The following TBC1D22A variants were observed in gnomAD, a reference collection of about 807,000 sequenced individuals.
TBC1D22A encodes TBC1 domain family member 22A, also known as putative GTPase activator.
Under a neutral mutation model 60.2 loss-of-function variants are expected in TBC1D22A, and 38 were observed. The observed-to-expected ratio is 0.63, with a 90% CI of 0.49 to 0.83. The LOEUF is 0.83. Ranked by LOEUF, TBC1D22A falls within the 40% of genes least tolerant of loss-of-function variation. The pLI, the probability that TBC1D22A is intolerant of heterozygous loss-of-function variation, is 0.00. For missense variants in TBC1D22A, 628 were observed against 701.0 expected, an observed-to-expected ratio of 0.90 and a Z score of 1.18; for synonymous variants, 302 against 281.7, an observed-to-expected ratio of 1.07 and a Z score of -0.72.
At chr22:47,030,495 A>G (rs1426175951) in intron 10 of TBC1D22A, among the ~76,000 whole-genome samples, 1 of 152,230 alleles carries the variant, frequency 6.6e-6, no homozygotes, top group East Asian at 1.9e-4. Context: ...AAGTGCTGGG[A>G]AAAGTGTTCA....
chr22:46,938,736 C>T (rs1194575077), intron 8 of TBC1D22A, among the ~76,000 whole-genome samples: 1 of 152,132 alleles, frequency 6.6e-6, no homozygotes, highest in African/African-American at 2.4e-5. Flanking sequence ...CAGGCACCTG[C>T]CACCATGCCT....
chr22:46,766,317 G>C (rs2083286183), intron 1 of TBC1D22A, among the ~76,000 whole-genome samples: 1 of 151,704 alleles, frequency 6.6e-6, no homozygotes. Context: ...TTTTAGTAGA[G>C]ATGGGGTTTC....
At chr22:47,006,397 A>G (rs1349167356) in intron 10 of TBC1D22A, among the ~76,000 whole-genome samples, 1 of 152,218 alleles carries the variant, frequency 6.6e-6, no homozygotes, top group East Asian at 1.9e-4. Context: ...ATTCTCTGAA[A>G]GGCTGGCTTA....
intron 4 of TBC1D22A, among the ~76,000 whole-genome samples, chr22:46,816,617 A>G (rs1023388864): frequency 1.4e-4 from 22 of 152,186 alleles, no homozygotes; most frequent in African/African-American, 5.3e-4. Context: ...GGTGGGGAAC[A>G]GTACAGGGAA....
intron 10 of TBC1D22A, among the ~76,000 whole-genome samples, chr22:47,022,422 G>T (rs2062122238): frequency 6.6e-6 from 1 of 152,158 alleles, no homozygotes; most frequent in African/African-American, 2.4e-5. Context: ...GCACCTGCAG[G>T]TCTCCCTGAG....
At chr22:46,912,222 T>A in intron 8 of TBC1D22A, 34 bp downstream of exon 8, 1 of 1,489,754 alleles carries the variant, frequency 6.7e-7, no homozygotes, top group South Asian at 1.1e-5. Flanking sequence ...ACGTGAACTT[T>A]AGTGGACTTG....
chr22:46,768,119 G>A (rs2083348452), intron 1 of TBC1D22A: 3 of 152,786 alleles, frequency 2.0e-5, no homozygotes, highest in Admixed American at 2.0e-4. Flanking sequence ...GCAGCGTCCA[G>A]TGGTCACTGG....
chr22:47,131,502 TC>T (rs2066677374), intron 12 of TBC1D22A, among the ~76,000 whole-genome samples: 1 of 152,068 alleles, frequency 6.6e-6, no homozygotes, highest in East Asian at 1.9e-4. Context: ...ACAGGAGTGT[TC>T]CCCCTGCCCC....
chr22:46,885,976 T>G (rs1457701169), intron 5 of TBC1D22A, among the ~76,000 whole-genome samples: 1 of 151,364 alleles, frequency 6.6e-6, no homozygotes, highest in Non-Finnish European at 1.5e-5. Flanking sequence ...GGTGCGATCT[T>G]GGCTCACTGC....
At chr22:46,782,328 C>T (rs942086105) in intron 1 of TBC1D22A, among the ~76,000 whole-genome samples, 1 of 152,322 alleles carries the variant, frequency 6.6e-6, no homozygotes, top group East Asian at 1.9e-4. Context: ...GCTGAGATTA[C>T]AGGCCTGAGC....
chr22:47,131,034 G>A (rs1434317884), intron 12 of TBC1D22A, among the ~76,000 whole-genome samples: 1 of 152,166 alleles, frequency 6.6e-6, no homozygotes, highest in Non-Finnish European at 1.5e-5. Flanking sequence ...GCGAGAGAGG[G>A]AGCAAGAGGG....
chr22:46,857,595 T>C (rs2087635372), intron 4 of TBC1D22A, among the ~76,000 whole-genome samples: 1 of 152,180 alleles, frequency 6.6e-6, no homozygotes, highest in Non-Finnish European at 1.5e-5. Context: ...TCACAGTCAA[T>C]TTCAGAACAA....
At chr22:46,800,568 C>T (rs987232776) in intron 4 of TBC1D22A, among the ~76,000 whole-genome samples, 30 of 152,176 alleles carry the variant, frequency 2.0e-4, no homozygotes, top group African/African-American at 5.5e-4. Flanking sequence ...TTACTCGCCA[C>T]GTGACCTTGA....
intron 11 of TBC1D22A, among the ~76,000 whole-genome samples, chr22:47,080,052 A>G (rs1360622270): frequency 2.0e-5 from 3 of 152,216 alleles, no homozygotes; most frequent in African/African-American, 7.2e-5. Context: ...TTTCTTTTTT[A>G]ATGATAAAAG....
intron 12 of TBC1D22A, among the ~76,000 whole-genome samples, chr22:47,153,695 C>T (rs940343167): frequency 3.3e-5 from 5 of 151,970 alleles, no homozygotes; most frequent in Admixed American, 1.3e-4. Flanking sequence ...GCCTAGAACC[C>T]GCAGGGTGTG....
intron 7 of TBC1D22A, among the ~76,000 whole-genome samples, chr22:46,907,012 CTGTG>C (rs946499906): frequency 1.3e-5 from 2 of 151,924 alleles, no homozygotes; most frequent in East Asian, 1.9e-4. Flanking sequence ...GGGCTTTTCT[CTGTG>C]TGCACGCTTC....
At chr22:47,074,228 C>T (rs1219851922) in intron 11 of TBC1D22A, among the ~76,000 whole-genome samples, 4 of 152,264 alleles carry the variant, frequency 2.6e-5, no homozygotes, top group African/African-American at 9.6e-5. Context: ...GAGCGCCTCC[C>T]AGGCTAGGAA....
At chr22:46,976,123 T>C (rs971512684) in intron 9 of TBC1D22A, among the ~76,000 whole-genome samples, 1 of 152,228 alleles carries the variant, frequency 6.6e-6, no homozygotes, top group African/African-American at 2.4e-5. Flanking sequence ...TCTCTGATGG[T>C]GAGTGATGGG....
chr22:46,843,718 G>A (rs527708900), intron 4 of TBC1D22A, among the ~76,000 whole-genome samples: 3 of 152,144 alleles, frequency 2.0e-5, no homozygotes, highest in African/African-American at 4.8e-5. Flanking sequence ...GCAGGTGAGC[G>A]GTGAACTGGG....
Sources: allele counts gnomAD v4.1 joint callset (sites outside exome capture counted in the v4.1 genomes callset), GRCh38; gene constraint gnomAD v4.1.1; transcripts MANE v1.5; gene names NCBI Gene and HGNC (gene_info 2026-07-23, HGNC 2026-07-21).